The following LTN1 variants were observed in gnomAD, a reference collection of about 807,000 sequenced individuals.
The protein encoded by LTN1 is listerin E3 ubiquitin protein ligase 1, also known as E3 ubiquitin-protein ligase listerin.
LTN1 carries 88 observed loss-of-function variants against 201.2 expected under a neutral mutation model. The observed-to-expected ratio is 0.44, with a 90% CI of 0.37 to 0.52. LTN1 has a LOEUF of 0.52. LTN1 is among the 20% of genes least tolerant of loss of function. The probability of loss-of-function intolerance (pLI) is 0.00; values close to 1 mark genes in which losing one functional copy is unlikely to be tolerated. For synonymous variants in LTN1, 645 were observed against 713.5 expected, an observed-to-expected ratio of 0.90 and a Z score of 1.53; for missense variants, 1,752 against 2,038.7, an observed-to-expected ratio of 0.86 and a Z score of 2.71.
chr21:28,956,630 T>C, intron 16 of LTN1, 132 bp downstream of exon 16: 1 of 523,332 alleles, frequency 1.9e-6, no homozygotes, highest in Non-Finnish European at 3.2e-6. Context: ...TTCAAGGTTC[T>C]CATCATTAAA....
At chr21:28,945,991 A>G in intron 20 of LTN1, 40 bp from the exon 21 acceptor site, 1 of 1,546,512 alleles carries the variant, frequency 6.5e-7, no homozygotes, top group Non-Finnish European at 8.8e-7. Flanking sequence ...AAAAGATTAT[A>G]TTGACATTCA....
Position 28,980,237 on chromosome 21 carries a change from G to A in LTN1, c.810+882C>T, listed in dbSNP as rs150955626. Among the ~76,000 whole-genome samples, 452 of 151,924 alleles carry A rather than the reference G, an allele frequency of 3.0e-3. 1 individual carries two copies. The highest frequency in any genetic ancestry group is 0.01 in the African/African-American group (432 of 41,420). On this transcript the variant is annotated intron_variant, in intron 6 of 29. Transcript: ENST00000361371. ...GTCTATTGTATCTAGGCACAAGAAC[G>A]CTATGATATGCCTTACAAAGAAAAT...
intron 11 of LTN1, among the ~76,000 whole-genome samples, chr21:28,965,595 C>A (rs1417543499): frequency 6.6e-6 from 1 of 152,110 alleles, no homozygotes; most frequent in Non-Finnish European, 1.5e-5. Flanking sequence ...ATGTTTAAAT[C>A]TGCCTTTGTT....
At chr21:28,936,366 A>C (rs1208924064) in intron 26 of LTN1, among the ~76,000 whole-genome samples, 160 bp downstream of exon 26, 3 of 152,254 alleles carry the variant, frequency 2.0e-5, no homozygotes, top group Non-Finnish European at 2.9e-5. Context: ...AAAACTAATT[A>C]TTCATCCTAT....
chr21:28,941,326 C>T lies in LTN1; in HGVS notation c.4376G>A (p.Gly1459Glu). The change falls in exon 25 of 30, where the codon GGA becomes GAA. Residue 1459 changes from glycine to glutamate, a missense_variant. Gly to Glu is a moderately conservative substitution (Grantham distance 98, BLOSUM62 -2). Transcript: ENST00000361371. The part of the protein sequence containing the change: ...LENVLGCIPV[G>E]QIVTIKPLSE... The stretch of plus-strand genomic sequence containing the variant: ...CAGTGGTTTAATAGTAACTATCTGT[C>T]CAACAGGAATACACCCCAAAACATT... 2.5e-6 allele frequency: 4 copies of T among 1,613,336 alleles called. No individual in the cohort carries two copies. Among genetic ancestry groups the T allele is most frequent in the Non-Finnish European group, 3.4e-6 (4 of 1,179,478 alleles).
intron 4 of LTN1, among the ~76,000 whole-genome samples, chr21:28,983,913 A>T (rs1252681311): frequency 6.6e-6 from 1 of 152,246 alleles, no homozygotes; most frequent in Non-Finnish European, 1.5e-5. Flanking sequence ...TTGGGAATAG[A>T]AAATGAAGGG....
chr21:28,960,860 C>T, intron 11 of LTN1, 154 bp from the exon 12 acceptor site: 2 of 581,038 alleles, frequency 3.4e-6, no homozygotes, highest in African/African-American at 1.9e-5. Flanking sequence ...AGACTGGTAT[C>T]CTCCCTGTTC....
Position 28,965,964 on chromosome 21 carries a change from G to A in LTN1, c.2122-58C>T, listed in dbSNP as rs1601195489. 9.6e-6 allele frequency: 10 copies of A among 1,043,050 alleles called. No homozygotes were observed. In the East Asian group the frequency reaches 2.5e-4, roughly 26 times the overall value. The allele number at this position is 1,043,050 out of a possible 1,614,324, so 64.6% of individuals were successfully genotyped here. ...CTAGAACAACTTTTTGTTTGAGATG[G>A]GGTTTTGTATGTTGCCCAGGCTAGT... On this transcript the variant is annotated intron_variant, in intron 10 of 29. Transcript: ENST00000361371.
intron 4 of LTN1, among the ~76,000 whole-genome samples, chr21:28,983,695 G>A (rs969214748): frequency 3.9e-5 from 6 of 152,104 alleles, no homozygotes; most frequent in African/African-American, 1.4e-4. Context: ...AAAGGAGGAA[G>A]GAAAGCAGGG....
At chr21:28,949,487 C>T (rs1299863725) in intron 18 of LTN1, among the ~76,000 whole-genome samples, 1 of 152,186 alleles carries the variant, frequency 6.6e-6, no homozygotes, top group Admixed American at 6.6e-5. Flanking sequence ...ACTCTACCCA[C>T]TAACACGAAT....
In LTN1 at chr21:28,956,819, C is replaced by T. The variant is rs200085542; in HGVS notation, c.3022G>A (p.Val1008Ile). 1.2e-6 allele frequency: 2 copies of T among 1,611,500 alleles called. No homozygotes were observed. Among genetic ancestry groups the T allele is most frequent in the Non-Finnish European group, 1.7e-6 (2 of 1,178,588 alleles). Residue 1008 changes from valine (V) to isoleucine (I), a missense_variant, in exon 16 of 30, where the codon GTC becomes ATC. Transcript: ENST00000361371. Reference sequence around the variant, plus strand: ...GTTTCCTTTCTCAGTGCAATTAAGACCATTTTGCTCAATAATGCTGAAGTA... The same window carrying T: ...GTTTCCTTTCTCAGTGCAATTAAGATCATTTTGCTCAATAATGCTGAAGTA... ...LCTSALLSKMVLIALRKETVL... is the reference protein window; with the variant it reads ...LCTSALLSKMILIALRKETVL...
intron 16 of LTN1, among the ~76,000 whole-genome samples, chr21:28,953,706 C>T (rs1290861625): frequency 6.6e-6 from 1 of 152,066 alleles, no homozygotes; most frequent in Non-Finnish European, 1.5e-5. Flanking sequence ...ACAGGAAAAA[C>T]AACTAAGGGA....
At position 28,982,365 on chromosome 21, in the gene LTN1, G is replaced by A. The variant is rs2084665783; in HGVS notation, c.580C>T (p.Leu194=). The change falls in exon 5 of 30, where the codon CTG becomes TTG. Residue 194 remains leucine, a synonymous_variant. Coordinates refer to ENST00000361371, the MANE Select transcript of LTN1 (RefSeq NM_015565.3). ...AFCKDEITSV[L]QDHLIKETPD... ...GTTTCTTTTATAAGATGATCCTGCA[G>A]CACCTACAAAGGGGGGAAATACCAA... 6.2e-7 allele frequency: 1 copy of A among 1,613,096 alleles called. No homozygotes were observed. Among genetic ancestry groups the A allele is most frequent in the Non-Finnish European group, 8.5e-7 (1 of 1,179,120 alleles).
At position 28,945,500 on chromosome 21, in the gene LTN1, C is replaced by T. The variant is rs187588590; in HGVS notation, c.3768+307G>A. On this transcript the variant is annotated intron_variant, in intron 21 of 29. Transcript: ENST00000361371. ...ATAATCTAATTATAACCAAAAAAGA[C>T]CAAAATAATTGTCATTAACAGATAA... is the stretch of plus-strand genomic sequence containing the variant. 1.8e-3 allele frequency among the ~76,000 whole-genome samples: 280 copies of T among 152,176 alleles called. 5 individuals are homozygous for T. The highest frequency in any genetic ancestry group is 6.1e-3 in the African/African-American group (252 of 41,520).
intron 6 of LTN1, among the ~76,000 whole-genome samples, chr21:28,971,683 C>T (rs2084576428): frequency 6.6e-6 from 1 of 152,130 alleles, no homozygotes; most frequent in Admixed American, 6.6e-5. Flanking sequence ...CTGAAGCAAA[C>T]ACAAATCCTC....
intron 11 of LTN1, 112 bp from the exon 12 acceptor site, chr21:28,960,818 T>TC (rs1033690187): frequency 1.5e-6 from 1 of 667,924 alleles, no homozygotes; most frequent in East Asian, 2.8e-5. Flanking sequence ...TCCAATTCTA[T>TC]CCCCCCTCCT....
At chr21:28,951,445 T>C (rs1254034934) in intron 18 of LTN1, among the ~76,000 whole-genome samples, 1 of 152,164 alleles carries the variant, frequency 6.6e-6, no homozygotes, top group Non-Finnish European at 1.5e-5. Context: ...ATTTCTAGAA[T>C]ATATTTCAAT....
intron 11 of LTN1, chr21:28,961,180 C>A (rs928318099): frequency 6.6e-6 from 1 of 152,594 alleles, no homozygotes; most frequent in Non-Finnish European, 1.5e-5. Flanking sequence ...TTCTTTGATA[C>A]CTGCTATCAA....
chr21:28,936,813 C>A, intron 25 of LTN1, 116 bp from the exon 26 acceptor site: 1 of 711,060 alleles, frequency 1.4e-6, no homozygotes, highest in East Asian at 2.5e-5. Flanking sequence ...ACATTCTATC[C>A]CCTCATTATT....
Sources: allele counts gnomAD v4.1 joint callset (sites outside exome capture counted in the v4.1 genomes callset), GRCh38; gene constraint gnomAD v4.1.1; transcripts MANE v1.5; gene names NCBI Gene and HGNC (gene_info 2026-07-23, HGNC 2026-07-21).